TSHZ2: variants seen among roughly 807,000 people sequenced by gnomAD.
The protein encoded by TSHZ2 is teashirt zinc finger homeobox 2, also known as teashirt homolog 2.
Under a neutral mutation model 74.4 loss-of-function variants are expected in TSHZ2, and 21 were observed. That is an observed-to-expected ratio of 0.28 (90% CI 0.20 to 0.41). TSHZ2 has a LOEUF of 0.41. TSHZ2 is among the 10% of genes least tolerant of loss of function. The probability of loss-of-function intolerance (pLI) is 1.00; values close to 1 mark genes in which losing one functional copy is unlikely to be tolerated. For synonymous variants in TSHZ2, 540 were observed against 515.3 expected, an observed-to-expected ratio of 1.05 and a Z score of -0.65; for missense variants, 1,244 against 1,293.5, an observed-to-expected ratio of 0.96 and a Z score of 0.59.
intron 2 of TSHZ2, among the ~76,000 whole-genome samples, chr20:53,421,815 T>C (rs1237107058): frequency 6.7e-6 from 1 of 150,236 alleles, no homozygotes; most frequent in African/African-American, 2.4e-5. Flanking sequence ...CCCGAGTAGC[T>C]GGGACTACAG....
At chr20:53,020,349 G>GCAT (rs1256703069) in intron 1 of TSHZ2, among the ~76,000 whole-genome samples, 1 of 151,798 alleles carries the variant, frequency 6.6e-6, no homozygotes, top group East Asian at 1.9e-4. Context: ...ATTTTACTTA[G>GCAT]CATGGCATCC....
At chr20:53,127,343 T>C (rs1179546283) in intron 1 of TSHZ2, among the ~76,000 whole-genome samples, 1 of 152,184 alleles carries the variant, frequency 6.6e-6, no homozygotes, top group Non-Finnish European at 1.5e-5. Context: ...TACTTCAAGA[T>C]AGGGCTAAGT....
intron 1 of TSHZ2, among the ~76,000 whole-genome samples, chr20:53,133,852 GT>G (rs1268309933): frequency 2.0e-5 from 3 of 150,558 alleles, no homozygotes; most frequent in East Asian, 3.9e-4. Context: ...CAAAAGGTCT[GT>G]TTTGCCTAAC....
At chr20:53,310,905 A>G (rs1449412477) in intron 2 of TSHZ2, among the ~76,000 whole-genome samples, 1 of 152,250 alleles carries the variant, frequency 6.6e-6, no homozygotes, top group African/African-American at 2.4e-5. Flanking sequence ...AGAAGGGACT[A>G]CACAAGAAAA....
chr20:53,170,388 A>G (rs191903043), intron 1 of TSHZ2, among the ~76,000 whole-genome samples: 8 of 152,344 alleles, frequency 5.3e-5, no homozygotes, highest in African/African-American at 1.4e-4. Flanking sequence ...TGTATTTCCT[A>G]GCAAGCGTAT....
chr20:53,015,454 A>T (rs1228979291), intron 1 of TSHZ2, among the ~76,000 whole-genome samples: 2 of 152,042 alleles, frequency 1.3e-5, no homozygotes, highest in African/African-American at 4.8e-5. Context: ...AACACCCCCA[A>T]CTACCCCTAG....
chr20:53,214,310 A>T (rs1000907502), intron 1 of TSHZ2, among the ~76,000 whole-genome samples: 2 of 152,176 alleles, frequency 1.3e-5, no homozygotes, highest in Non-Finnish European at 2.9e-5. Context: ...TAAGTATAAA[A>T]TATGTCAGAT....
At position 53,195,115 on chromosome 20, in the gene TSHZ2, C is replaced by G. The variant is rs528089157; in HGVS notation, c.41-58384C>G. On this transcript the variant is annotated intron_variant, in intron 1 of 2. Transcript: ENST00000371497. ...GGACTTTTGCAGGGCCAGATCTCCC[C>G]TTCTGGCTGATTCCAGTCATGCAGG... Among the ~76,000 whole-genome samples the G allele has an allele frequency of 4.6e-5, 7 of 152,320 alleles. No individual in the cohort carries two copies. The South Asian group carries it at 1.0e-3, about 23-fold the overall frequency.
chr20:53,170,033 C>T (rs376930589), intron 1 of TSHZ2, among the ~76,000 whole-genome samples: 1 of 152,064 alleles, frequency 6.6e-6, no homozygotes, highest in African/African-American at 2.4e-5. Context: ...TTCAAGAATG[C>T]TACAAGAATA....
intron 1 of TSHZ2, among the ~76,000 whole-genome samples, chr20:53,133,111 C>A (rs918965177): frequency 6.6e-6 from 1 of 152,130 alleles, no homozygotes; most frequent in Non-Finnish European, 1.5e-5. Context: ...GGGAATGCAG[C>A]CCCTGAATTC....
At chr20:53,314,814 G>A (rs1018617971) in intron 2 of TSHZ2, among the ~76,000 whole-genome samples, 4 of 151,968 alleles carry the variant, frequency 2.6e-5, no homozygotes, top group African/African-American at 4.8e-5. Context: ...TAGAAACAGG[G>A]TCTCGCCATG....
At chr20:53,197,195 C>T (rs1270767846) in intron 1 of TSHZ2, among the ~76,000 whole-genome samples, 1 of 152,206 alleles carries the variant, frequency 6.6e-6, no homozygotes, top group Non-Finnish European at 1.5e-5. Context: ...TGGTTCATTA[C>T]TGATTTATTT....
intron 2 of TSHZ2, among the ~76,000 whole-genome samples, chr20:53,458,236 C>A (rs7353124): frequency 0.55 from 76,244 of 139,842 alleles, 21,136 homozygotes; most frequent in African/African-American, 0.67. Context: ...ACAATTTCAG[C>A]TCCTGTTATT....
In TSHZ2 at chr20:53,326,444, G is replaced by A. The variant is rs1979495505; in HGVS notation, c.*8+69873G>A. 1.3e-5 allele frequency among the ~76,000 whole-genome samples: 2 copies of A among 152,186 alleles called. 1 individual carries two copies. Among genetic ancestry groups the A allele is most frequent in the South Asian group, 4.1e-4 (2 of 4,830 alleles). On this transcript the variant is annotated intron_variant, in intron 2 of 2. Coordinates refer to ENST00000371497, the MANE Select transcript of TSHZ2 (RefSeq NM_173485.6). ...TTACAAACTTATCACTTGTAATTTA[G>A]TCTATTCCTCAGCAACGCCCATGAT... is the stretch of plus-strand genomic sequence containing the variant.
At position 53,332,297 on chromosome 20, in the gene TSHZ2, C is replaced by G. The variant is rs545016147; in HGVS notation, c.*8+75726C>G. ...GTCTTGGAGGTCCAGAAAGATGCCTCTAAGGCTTGGGCATTAGCTATGGAA... is the reference window on the plus strand; with the variant it reads ...GTCTTGGAGGTCCAGAAAGATGCCTGTAAGGCTTGGGCATTAGCTATGGAA... On this transcript the variant is annotated intron_variant, in intron 2 of 2. Transcript: ENST00000371497. Among the ~76,000 whole-genome samples, 4 of 152,316 alleles carry G rather than the reference C, an allele frequency of 2.6e-5. No individual in the cohort carries two copies. In the South Asian group the frequency reaches 8.3e-4, roughly 32 times the overall value.
At chr20:53,147,292 G>A (rs914575349) in intron 1 of TSHZ2, among the ~76,000 whole-genome samples, 2 of 152,064 alleles carry the variant, frequency 1.3e-5, no homozygotes, top group Admixed American at 6.6e-5. Flanking sequence ...CTGGAAACTG[G>A]GCTCAGCTTT....
At chr20:53,141,995 G>A (rs947565846) in intron 1 of TSHZ2, among the ~76,000 whole-genome samples, 1 of 152,168 alleles carries the variant, frequency 6.6e-6, no homozygotes, top group African/African-American at 2.4e-5. Context: ...GGTGGTGGGG[G>A]GCTCTGCTTG....
intron 1 of TSHZ2, among the ~76,000 whole-genome samples, chr20:53,215,134 T>G (rs567363618): frequency 6.6e-6 from 1 of 152,176 alleles, no homozygotes; most frequent in South Asian, 2.1e-4. Context: ...AAAGATTATC[T>G]CATCAAAACC....
chr20:53,162,756 G>C (rs911296986), intron 1 of TSHZ2, among the ~76,000 whole-genome samples: 1 of 152,146 alleles, frequency 6.6e-6, no homozygotes, highest in Non-Finnish European at 1.5e-5. Context: ...TTCTAATGCT[G>C]TTACCTTGCA....
Sources: allele counts gnomAD v4.1 joint callset (sites outside exome capture counted in the v4.1 genomes callset), GRCh38; gene constraint gnomAD v4.1.1; transcripts MANE v1.5; gene names NCBI Gene and HGNC (gene_info 2026-07-23, HGNC 2026-07-21).